CEP131: variants seen among roughly 807,000 people sequenced by gnomAD.
The protein encoded by CEP131 is centrosomal protein 131.
In CEP131, 99 loss-of-function variants were observed where a neutral mutation model predicts 136.8. The ratio of observed to expected loss-of-function variants is 0.72; its 90% CI spans 0.62 to 0.86. The LOEUF (loss-of-function observed/expected upper bound fraction) is 0.86, where lower values mean the gene tolerates loss of function less well. Among genes scored for constraint, CEP131 ranks in the 40% least tolerant of loss-of-function variants. The probability of loss-of-function intolerance (pLI) is 0.00; values close to 1 mark genes in which losing one functional copy is unlikely to be tolerated. For missense variants in CEP131, 1,459 were observed against 1,463.0 expected (o/e 1.00, Z 0.04); for synonymous variants, 646 against 612.7 (o/e 1.05, Z -0.80).
chr17:81,207,278 C>T lies in CEP131; in HGVS notation c.273-39G>A, dbSNP rs770500281. The T allele has an allele frequency of 1.7e-5, 27 of 1,596,436 alleles. No individual in the cohort carries two copies. In the Admixed American group the frequency reaches 1.9e-4, roughly 11 times the overall value. ...AGGGCGGCACACAAGGAAAGAGTCACCAGCCGGGAAGCCGACGCTAGGCAC... is the reference window on the plus strand; with the variant it reads ...AGGGCGGCACACAAGGAAAGAGTCATCAGCCGGGAAGCCGACGCTAGGCAC... On this transcript the variant is annotated intron_variant, in intron 3 of 25. Coordinates refer to ENST00000450824, the MANE Select transcript of CEP131 (RefSeq NM_014984.4).
chr17:81,199,352 G>T, intron 10 of CEP131, 29 bp downstream of exon 10: 1 of 1,574,250 alleles, frequency 6.4e-7, no homozygotes, highest in Admixed American at 1.8e-5. Context: ...CCACCCCCCA[G>T]AGCAGGGCGG....
Position 81,220,038 on chromosome 17 carries a change from T to A in CEP131, c.19A>T (p.Ile7Phe), listed in dbSNP as rs1193911388. 6.3e-7 allele frequency: 1 copy of A among 1,592,174 alleles called. No homozygotes were observed. Among genetic ancestry groups the A allele is most frequent in the Non-Finnish European group, 8.5e-7 (1 of 1,170,328 alleles). Reference protein sequence around the residue: MKGTRAIGSVPERSPAG... With the variant: MKGTRAFGSVPERSPAG... ...GGGCTGCGCTCCGGGACGCTGCCGATGGCCCGGGTGCCTTTCATGGTGGAC... is the reference window on the plus strand; with the variant it reads ...GGGCTGCGCTCCGGGACGCTGCCGAAGGCCCGGGTGCCTTTCATGGTGGAC... Residue 7 changes from isoleucine to phenylalanine, a missense_variant, in exon 2 of 26, where the codon ATC becomes TTC. Coordinates refer to ENST00000450824, the MANE Select transcript of CEP131 (RefSeq NM_014984.4).
At chr17:81,207,412 G>A (rs2062031331) in intron 3 of CEP131, among the ~76,000 whole-genome samples, 173 bp from the exon 4 acceptor site, 6 of 152,156 alleles carry the variant, frequency 3.9e-5, no homozygotes, top group Admixed American at 3.9e-4. Context: ...GGGTTCCTCA[G>A]TGGAGCTGGG....
rs1567890754 is a variant in CEP131, at chr17:81,222,926, T to C, written c.-175A>G. ...ACACTGCCCCGAGGCCCGGTGACAA[T>C]GAAGCGGCCGGACGGCCGGGGTGAG... On this transcript the variant is annotated 5_prime_UTR_variant, in exon 1 of 26. Transcript: ENST00000450824. The C allele has an allele frequency of 6.6e-6, 1 of 152,176 alleles. No homozygotes were observed. Among genetic ancestry groups the C allele is most frequent in the African/African-American group, 2.4e-5 (1 of 41,416 alleles). The allele number at this position is 152,176 out of a possible 1,614,324, so 9.4% of individuals were successfully genotyped here. A position where few individuals can be genotyped will look rare whatever the true frequency, so the allele number is the denominator to read the frequency against.
At chr17:81,200,225 G>T in intron 8 of CEP131, 104 bp downstream of exon 8, 3 of 895,392 alleles carry the variant, frequency 3.4e-6, no homozygotes, top group Non-Finnish European at 5.1e-6. Flanking sequence ...GGGCCCACGA[G>T]CAATCCTAGG....
At chr17:81,195,601 C>A (rs1475514235) in intron 16 of CEP131, among the ~76,000 whole-genome samples, 1 of 152,054 alleles carries the variant, frequency 6.6e-6, no homozygotes, top group African/African-American at 2.4e-5. Flanking sequence ...TGTGCGTCCA[C>A]ATCTGTGACA....
Position 81,203,788 on chromosome 17 carries a change from G to A in CEP131, c.516-181C>T. 1 of 585,590 alleles carries A rather than the reference G, an allele frequency of 1.7e-6. No individual in the cohort carries two copies. 36.3% of individuals were successfully genotyped at this position (585,590 alleles called of 1,614,324 possible). On this transcript the variant is annotated intron_variant, in intron 5 of 25. Coordinates refer to ENST00000450824, the MANE Select transcript of CEP131 (RefSeq NM_014984.4). This position sits in a 1 kb window ranked among gnomAD's most constrained non-coding sequence, Gnocchi z 4.6. ...CCACAGCCTGCGCCCTGATGATGGG[G>A]TTCTTCCCAGGACAGGAAAGCTGGA... is the stretch of plus-strand genomic sequence containing the variant.
intron 2 of CEP131, among the ~76,000 whole-genome samples, chr17:81,218,709 C>T (rs531020753): frequency 6.6e-6 from 1 of 152,224 alleles, no homozygotes; most frequent in Admixed American, 6.5e-5. Context: ...GCCCTTACCC[C>T]GGAACTCGGC....
At position 81,203,798 on chromosome 17, in the gene CEP131, G is replaced by C. The variant is rs2061947100; in HGVS notation, c.516-191C>G. ...CGCCCTGATGATGGGGTTCTTCCCAGGACAGGAAAGCTGGACCAGGGGCTC... is the reference window on the plus strand; with the variant it reads ...CGCCCTGATGATGGGGTTCTTCCCACGACAGGAAAGCTGGACCAGGGGCTC... On this transcript the variant is annotated intron_variant, in intron 5 of 25. Coordinates refer to ENST00000450824, the MANE Select transcript of CEP131 (RefSeq NM_014984.4). This position sits in a 1 kb window ranked among gnomAD's most constrained non-coding sequence, Gnocchi z 4.6. 3.5e-6 allele frequency: 2 copies of C among 575,564 alleles called. No individual in the cohort carries two copies. Among genetic ancestry groups the C allele is most frequent in the Non-Finnish European group, 6.2e-6 (2 of 323,368 alleles). The allele number at this position is 575,564 out of a possible 1,614,324, so 35.7% of individuals were successfully genotyped here.
chr17:81,194,615 T>C (rs1453967187), intron 17 of CEP131, among the ~76,000 whole-genome samples: 1 of 152,256 alleles, frequency 6.6e-6, no homozygotes, highest in African/African-American at 2.4e-5. Context: ...AGTGAGGCAC[T>C]GAGCCCCCTC....
intron 17 of CEP131, 35 bp downstream of exon 17, chr17:81,194,835 C>T (rs749803404): frequency 6.4e-7 from 1 of 1,570,286 alleles, no homozygotes; most frequent in South Asian, 1.1e-5. Context: ...GCACCCACCC[C>T]ACACCTGGCC....
intron 6 of CEP131, among the ~76,000 whole-genome samples, chr17:81,202,781 G>A (rs922693654): frequency 1.3e-5 from 2 of 152,120 alleles, no homozygotes; most frequent in South Asian, 2.1e-4. Flanking sequence ...TGCCAACATG[G>A]TGAAACCCCA....
chr17:81,190,673 G>T lies in CEP131; in HGVS notation c.3073C>A (p.Arg1025Ser). The T allele has an allele frequency of 1.9e-6, 3 of 1,599,710 alleles. No individual in the cohort carries two copies. The highest frequency in any genetic ancestry group is 2.6e-6 in the Non-Finnish European group (3 of 1,175,616). ...ACCTCCTCCAGCTCCAGCTGCTGGC[G>T]GGCCTGCAGCGTGGCCAGCTCGGCC... is the stretch of plus-strand genomic sequence containing the variant. Reference protein sequence around the residue: ...AKAELATLQARQQLELEEVHR... With the variant: ...AKAELATLQASQQLELEEVHR... The change falls in exon 24 of 26, where the codon CGC (arginine) becomes AGC (serine). Residue 1025 changes from arginine to serine, a missense_variant. Physicochemically the swap from Arg to Ser is moderately radical, Grantham distance 110. Around this residue, in one of 3 missense-constraint regions of CEP131, gnomAD observed 1,026 missense variants for 964.2 expected, o/e 1.06. Coordinates refer to ENST00000450824, the MANE Select transcript of CEP131 (RefSeq NM_014984.4).
In CEP131 at chr17:81,189,849, G is replaced by A. The variant is rs2292182; in HGVS notation, c.3169-6C>T. 0.25 allele frequency: 397,083 copies of A among 1,611,892 alleles called. 51,874 individuals carry two copies. The highest frequency in any genetic ancestry group is 0.4 in the South Asian group (36,744 of 91,020). ...TCGGCCCGCTTCACCGCAGCCTGCA[G>A]CACACCCACAGGGTCAGGCCTGCTC... On this transcript the variant is annotated splice_region_variant and splice_polypyrimidine_tract_variant and intron_variant, in intron 25 of 25. Coordinates refer to ENST00000450824, the MANE Select transcript of CEP131 (RefSeq NM_014984.4).
At position 81,200,375 on chromosome 17, in the gene CEP131, C is replaced by A. The variant is rs2061863877; in HGVS notation, c.860G>T (p.Gly287Val). The A allele has an allele frequency of 6.3e-7, 1 of 1,577,978 alleles. No homozygotes were observed. Among genetic ancestry groups the A allele is most frequent in the Non-Finnish European group, 8.6e-7 (1 of 1,162,434 alleles). Residue 287 changes from glycine (G) to valine (V), a missense_variant, in exon 8 of 26, where the codon GGA (glycine) becomes GTA (valine). By Grantham distance (109) the Gly-to-Val change is moderately radical. Around this residue, in one of 3 missense-constraint regions of CEP131, gnomAD observed 246 missense variants for 318.9 expected, o/e 0.77. Coordinates refer to ENST00000450824, the MANE Select transcript of CEP131 (RefSeq NM_014984.4). ...GTGCTCCAGGCGGGCAGCTCCTGCT[C>A]CGCGCCGCTGCACCTGGTGCCGGTA... is the stretch of plus-strand genomic sequence containing the variant. ...RWYRHQVQRR[G>V]AGAARLEHLL... is the part of the protein sequence containing the mutation.
At chr17:81,221,407 T>C (rs1353067056) in intron 1 of CEP131, among the ~76,000 whole-genome samples, 2 of 152,160 alleles carry the variant, frequency 1.3e-5, no homozygotes, top group African/African-American at 4.8e-5. Flanking sequence ...TCTCAGCTCG[T>C]GCATGTGCCC....
chr17:81,209,245 C>G (rs972350845), intron 2 of CEP131, among the ~76,000 whole-genome samples: 1 of 152,136 alleles, frequency 6.6e-6, no homozygotes, highest in Non-Finnish European at 1.5e-5. Context: ...AGAGCTTCCC[C>G]GTCCCCGCAT....
intron 24 of CEP131, 35 bp downstream of exon 24, chr17:81,190,604 C>A: frequency 1.3e-6 from 2 of 1,522,970 alleles, no homozygotes; most frequent in Non-Finnish European, 1.8e-6. Flanking sequence ...CCCTGCCCCG[C>A]CTCCGTCTCC....
chr17:81,192,395 G>T lies in CEP131; in HGVS notation c.2548-3C>A, dbSNP rs747644761. 1.9e-6 allele frequency: 3 copies of T among 1,608,766 alleles called. No individual in the cohort carries two copies. The highest frequency in any genetic ancestry group is 2.5e-6 in the Non-Finnish European group (3 of 1,178,592). ...TGCTTCAGGGTATTCAGCTCCATCTGGGGGGCGGACATAAGAGGCCAGTCA... is the reference window on the plus strand; with the variant it reads ...TGCTTCAGGGTATTCAGCTCCATCTTGGGGGCGGACATAAGAGGCCAGTCA... On this transcript the variant is annotated splice_polypyrimidine_tract_variant and splice_region_variant and intron_variant, in intron 20 of 25. Transcript: ENST00000450824.
Sources: allele counts gnomAD v4.1 joint callset (sites outside exome capture counted in the v4.1 genomes callset), GRCh38; gene constraint gnomAD v4.1.1; regional missense constraint gnomAD v4.1.1; non-coding constraint Gnocchi (gnomAD v3.1); transcripts MANE v1.5; gene names NCBI Gene and HGNC (gene_info 2026-07-23, HGNC 2026-07-21).